NAA30: variants seen among roughly 807,000 people sequenced by gnomAD.
NAA30 encodes the protein N-alpha-acetyltransferase 30.
In NAA30, 5 loss-of-function variants were observed where a neutral mutation model predicts 31.4. That is an observed-to-expected ratio of 0.16 (90% CI 0.08 to 0.33). The LOEUF (loss-of-function observed/expected upper bound fraction) is 0.33. Among genes scored for constraint, NAA30 ranks in the 10% least tolerant of loss-of-function variants. The pLI, the probability that NAA30 is intolerant of heterozygous loss-of-function variation, is 1.00. For synonymous variants in NAA30, 222 were observed against 207.1 expected, an observed-to-expected ratio of 1.07 and a Z score of -0.62; for missense variants, 428 against 490.8, an observed-to-expected ratio of 0.87 and a Z score of 1.21.
chr14:57,401,127 A>G (rs1191477380), intron 4 of NAA30, among the ~76,000 whole-genome samples: 2 of 152,204 alleles, frequency 1.3e-5, no homozygotes, highest in Admixed American at 6.5e-5. Flanking sequence ...CAAATGAAGT[A>G]ATTCTTATTC....
rs2066428747 is a variant in NAA30, at chr14:57,391,607, G to A, written c.650G>A (p.Arg217Gln). The A allele has an allele frequency of 1.9e-6, 3 of 1,614,248 alleles. No individual in the cohort carries two copies. In the South Asian group the frequency reaches 3.3e-5, roughly 18 times the overall value. Residue 217 changes from arginine to glutamine, a missense_variant, in exon 2 of 5, where the codon CGA becomes CAA. Transcript: ENST00000556492. The surrounding 1 kb of genome is among the most constrained non-coding windows in gnomAD (Gnocchi z 4.1). ...GAGGATCGGACGATACGATATGTCC[G>A]ATATGAATCCGAGCTACAAATGCCC... Reference protein sequence around the residue: ...PGEDRTIRYVRYESELQMPDI... With the variant: ...PGEDRTIRYVQYESELQMPDI...
intron 4 of NAA30, among the ~76,000 whole-genome samples, chr14:57,403,889 G>A (rs2066487606): frequency 1.3e-5 from 2 of 152,170 alleles, no homozygotes; most frequent in African/African-American, 4.8e-5. Flanking sequence ...AAGTAAATTA[G>A]AATATGGGCA....
At chr14:57,409,218 T>G (rs986485272) in intron 4 of NAA30, among the ~76,000 whole-genome samples, 161 bp from the exon 5 acceptor site, 2 of 152,220 alleles carry the variant, frequency 1.3e-5, no homozygotes, top group African/African-American at 4.8e-5. Context: ...AATATAATAT[T>G]ACAATCTTGA....
chr14:57,397,560 G>A (rs2066456425), intron 3 of NAA30, among the ~76,000 whole-genome samples: 1 of 152,152 alleles, frequency 6.6e-6, no homozygotes, highest in Non-Finnish European at 1.5e-5. Flanking sequence ...TGTGATGTAA[G>A]CCTGATTAAG....
chr14:57,397,431 T>C (rs1433667330), intron 3 of NAA30, among the ~76,000 whole-genome samples: 2 of 152,232 alleles, frequency 1.3e-5, no homozygotes, highest in African/African-American at 4.8e-5. Flanking sequence ...ATCTTAACAC[T>C]CATGATTTAT....
At chr14:57,394,282 T>G (rs1206542940) in intron 2 of NAA30, among the ~76,000 whole-genome samples, 5 of 152,192 alleles carry the variant, frequency 3.3e-5, no homozygotes, top group Non-Finnish European at 7.4e-5. Context: ...TTGTTCTAAA[T>G]TTAACTTTTT....
intron 2 of NAA30, among the ~76,000 whole-genome samples, chr14:57,395,620 G>C (rs1374536999): frequency 6.6e-6 from 1 of 152,146 alleles, no homozygotes; most frequent in African/African-American, 2.4e-5. Context: ...TAATGAAAAT[G>C]GGGGATGATT....
chr14:57,412,431 G>T lies in NAA30; in HGVS notation c.*2915G>T, dbSNP rs1594754972. 1 of 152,200 alleles carries T rather than the reference G, an allele frequency of 6.6e-6. No individual in the cohort carries two copies. Among genetic ancestry groups the T allele is most frequent in the East Asian group, 1.9e-4 (1 of 5,194 alleles). The allele number at this position is 152,200 out of a possible 1,614,324, so 9.4% of individuals were successfully genotyped here. On this transcript the variant is annotated 3_prime_UTR_variant, in exon 5 of 5. Transcript: ENST00000556492. ...AATCATGAAGTTCATCACTTTTCAGGAGTATAGATAAAATCAAATTGGTAG... is the reference window on the plus strand; with the variant it reads ...AATCATGAAGTTCATCACTTTTCAGTAGTATAGATAAAATCAAATTGGTAG...
chr14:57,406,263 A>T (rs2066497808), intron 4 of NAA30, among the ~76,000 whole-genome samples: 6 of 152,208 alleles, frequency 3.9e-5, no homozygotes, highest in Admixed American at 3.9e-4. Flanking sequence ...TCAGTTCTTA[A>T]CCACACTTTA....
intron 3 of NAA30, among the ~76,000 whole-genome samples, chr14:57,399,395 T>C (rs1391925055): frequency 1.3e-5 from 2 of 152,214 alleles, no homozygotes; most frequent in African/African-American, 2.4e-5. Context: ...GAGGTTGTCT[T>C]GTCCCTTGTG....
intron 2 of NAA30, among the ~76,000 whole-genome samples, chr14:57,396,136 G>T (rs2066449358): frequency 6.6e-6 from 1 of 151,982 alleles, no homozygotes; most frequent in African/African-American, 2.4e-5. Context: ...CACCACACCT[G>T]GCTAATTTAA....
At position 57,409,948 on chromosome 14, in the gene NAA30, C is replaced by T. The variant is rs1049157283; in HGVS notation, c.*432C>T. On this transcript the variant is annotated 3_prime_UTR_variant, in exon 5 of 5. Coordinates refer to ENST00000556492, the MANE Select transcript of NAA30 (RefSeq NM_001011713.3). The stretch of plus-strand genomic sequence containing the variant: ...AGTTTTCTGAAGTGGGTGAGGGAGA[C>T]GCTTCAGTTTTAGGTTTTATTTTTT... 3.3e-5 allele frequency: 5 copies of T among 153,808 alleles called. No individual in the cohort carries two copies. Among genetic ancestry groups the T allele is most frequent in the East Asian group, 1.9e-4 (1 of 5,218 alleles). 9.5% of individuals were successfully genotyped at this position (153,808 alleles called of 1,614,324 possible). A position where few individuals can be genotyped will look rare whatever the true frequency, so the allele number is the denominator to read the frequency against.
intron 2 of NAA30, among the ~76,000 whole-genome samples, chr14:57,392,377 T>C (rs1277316438): frequency 1.3e-5 from 2 of 152,076 alleles, no homozygotes; most frequent in African/African-American, 2.4e-5. Flanking sequence ...TTGTGGAATG[T>C]AGAAAACTTG....
At position 57,400,886 on chromosome 14, in the gene NAA30, G is replaced by GT. The variant is rs144881009; in HGVS notation, c.951+1012dup. On this transcript the variant is annotated intron_variant, in intron 4 of 4. Coordinates refer to ENST00000556492, the MANE Select transcript of NAA30 (RefSeq NM_001011713.3). ...TTTTGTTGTTGTTTGTTGTTGTGGG[G>GT]TTTTTTTTTGTTTTTTTTTTGTTTT... Among the ~76,000 whole-genome samples, 822 of 88,634 alleles carry GT rather than the reference G, an allele frequency of 9.3e-3. 5 individuals are homozygous for GT. Among genetic ancestry groups the GT allele is most frequent in the South Asian group, 0.027 (69 of 2,590 alleles). The allele number at this position is 88,634 out of a possible 152,430, so 58.1% of individuals were successfully genotyped here. A position where few individuals can be genotyped will look rare whatever the true frequency, so the allele number is the denominator to read the frequency against.
rs2066544166 is a variant in NAA30, at chr14:57,415,705, G to A, written c.*6189G>A. On this transcript the variant is annotated 3_prime_UTR_variant, in exon 5 of 5. Transcript: ENST00000556492. The stretch of plus-strand genomic sequence containing the variant: ...CCTAACATGTAGGGGATTGATCATT[G>A]CGATGTTTAGGCCAGGATTTCTCAT... 1 of 152,096 alleles carries A rather than the reference G, an allele frequency of 6.6e-6. No homozygotes were observed. The highest frequency in any genetic ancestry group is 6.6e-5 in the Admixed American group (1 of 15,262). The allele number at this position is 152,096 out of a possible 1,614,324, so 9.4% of individuals were successfully genotyped here. A position where few individuals can be genotyped will look rare whatever the true frequency, so the allele number is the denominator to read the frequency against.
intron 4 of NAA30, among the ~76,000 whole-genome samples, chr14:57,402,999 G>C (rs2066483125): frequency 6.6e-6 from 1 of 152,150 alleles, no homozygotes; most frequent in South Asian, 2.1e-4. Flanking sequence ...TGGCCGACAT[G>C]GTGAAACCCC....
rs139921474 is a variant in NAA30, at chr14:57,397,435, G to A, written c.895+560G>A. Among the ~76,000 whole-genome samples the A allele has an allele frequency of 1.9e-3, 290 of 152,316 alleles. 4 individuals are homozygous for A. The highest frequency in any genetic ancestry group is 6.8e-3 in the African/African-American group (281 of 41,566). Reference sequence around the variant, plus strand: ...ATGTTTAGTTAATCTTAACACTCATGATTTATAATGATCATTAGAATCATG... The same window carrying A: ...ATGTTTAGTTAATCTTAACACTCATAATTTATAATGATCATTAGAATCATG... On this transcript the variant is annotated intron_variant, in intron 3 of 4. Coordinates refer to ENST00000556492, the MANE Select transcript of NAA30 (RefSeq NM_001011713.3).
chr14:57,398,141 C>T (rs547470213), intron 3 of NAA30, among the ~76,000 whole-genome samples: 11 of 152,252 alleles, frequency 7.2e-5, no homozygotes, highest in African/African-American at 1.2e-4. Context: ...GACTCACACA[C>T]GGTCCTAGGT....
At chr14:57,396,718 A>G (rs763010296) in intron 2 of NAA30, 34 bp from the exon 3 acceptor site, 18 of 1,612,512 alleles carry the variant, frequency 1.1e-5, no homozygotes, top group South Asian at 1.1e-5. Flanking sequence ...CCTGATGGCA[A>G]TGTATTCTTC....
Sources: allele counts gnomAD v4.1 joint callset (sites outside exome capture counted in the v4.1 genomes callset), GRCh38; gene constraint gnomAD v4.1.1; non-coding constraint Gnocchi (gnomAD v3.1); transcripts MANE v1.5; gene names NCBI Gene and HGNC (gene_info 2026-07-23, HGNC 2026-07-21).